Variants in SERPINB10 observed in about 807,000 individuals in gnomAD.
The protein encoded by SERPINB10 is serpin family B member 10.
SERPINB10 carries 35 observed loss-of-function variants against 39.1 expected under a neutral mutation model. The ratio of observed to expected loss-of-function variants is 0.90; its 90% CI spans 0.68 to 1.19. SERPINB10 has a LOEUF of 1.19. Ranked by LOEUF, SERPINB10 falls within the 50% of genes most tolerant of loss-of-function variation. SERPINB10 has a pLI of 0.00. For synonymous variants in SERPINB10, 190 were observed against 158.1 expected, an observed-to-expected ratio of 1.20 and a Z score of -1.52; for missense variants, 546 against 460.5, an observed-to-expected ratio of 1.19 and a Z score of -1.70.
At chr18:63,932,575 T>C (rs971008430) in intron 6 of SERPINB10, among the ~76,000 whole-genome samples, 1 of 152,240 alleles carries the variant, frequency 6.6e-6, no homozygotes, top group South Asian at 2.1e-4. Flanking sequence ...TTTATTATTG[T>C]TGAGTTTTTT....
Position 63,935,515 on chromosome 18 carries a change from C to A in SERPINB10, c.*273C>A, listed in dbSNP as rs1029055962. ...AAGTACTATGCTATTCAACTGAATG[C>A]CTTACAATTCTTGATCACTTGCAAT... is the stretch of plus-strand genomic sequence containing the variant. On this transcript the variant is annotated 3_prime_UTR_variant, in exon 8 of 8. Transcript: ENST00000238508. The A allele has an allele frequency of 2.2e-5, 7 of 323,488 alleles. No homozygotes were observed. Among genetic ancestry groups the A allele is most frequent in the Non-Finnish European group, 3.4e-5 (6 of 178,530 alleles). 20.0% of individuals were successfully genotyped at this position (323,488 alleles called of 1,614,324 possible). A position where few individuals can be genotyped will look rare whatever the true frequency, so the allele number is the denominator to read the frequency against.
intron 6 of SERPINB10, among the ~76,000 whole-genome samples, chr18:63,930,594 G>A (rs772072686): frequency 5.3e-5 from 8 of 152,094 alleles, no homozygotes; most frequent in Non-Finnish European, 7.4e-5. Context: ...CCTTACATAA[G>A]TAAAAGCAAT....
At chr18:63,913,827 A>G (rs746726859) in intron 1 of SERPINB10, among the ~76,000 whole-genome samples, 3 of 151,896 alleles carry the variant, frequency 2.0e-5, no homozygotes, top group Non-Finnish European at 4.4e-5. Context: ...TTCTCCCTCA[A>G]TGATCTGTCT....
chr18:63,928,106 T>G (rs565557282), intron 5 of SERPINB10, among the ~76,000 whole-genome samples: 101 of 152,168 alleles, frequency 6.6e-4, no homozygotes, highest in Non-Finnish European at 1.1e-3. Context: ...TTCTTGAGAT[T>G]CTATTAATAT....
Position 63,934,873 on chromosome 18 carries a change from G to C in SERPINB10, c.825G>C (p.Glu275Asp), listed in dbSNP as rs2050250008. 1 of 1,612,354 alleles carries C rather than the reference G, an allele frequency of 6.2e-7. No individual in the cohort carries two copies. Among genetic ancestry groups the C allele is most frequent in the Non-Finnish European group, 8.5e-7 (1 of 1,179,392 alleles). ...CCATCACCTATGAGAAGCTGAATGA[G>C]TGGACCAGTGCAGACATGATGGAGT... ...EKAITYEKLNEWTSADMMELY... is the reference protein window; with the variant it reads ...EKAITYEKLNDWTSADMMELY... The change falls in exon 8 of 8, where the codon GAG becomes GAC. Residue 275 changes from glutamate (E) to aspartate (D), a missense_variant. Glu to Asp is a conservative substitution (Grantham distance 45, BLOSUM62 2). Coordinates refer to ENST00000238508, the MANE Select transcript of SERPINB10 (RefSeq NM_005024.3).
intron 1 of SERPINB10, among the ~76,000 whole-genome samples, chr18:63,908,687 C>G (rs1211904322): frequency 6.6e-6 from 1 of 152,000 alleles, no homozygotes; most frequent in African/African-American, 2.4e-5. Flanking sequence ...CTAAAAAAGG[C>G]CTTAGGTGAA....
intron 7 of SERPINB10, among the ~76,000 whole-genome samples, chr18:63,933,444 T>C (rs189962169): frequency 1.2e-4 from 19 of 152,338 alleles, no homozygotes; most frequent in African/African-American, 4.3e-4. Flanking sequence ...TTAGGCAATG[T>C]ATAGACAGCT....
chr18:63,914,877 C>T (rs980256239), intron 1 of SERPINB10, among the ~76,000 whole-genome samples: 5 of 151,990 alleles, frequency 3.3e-5, no homozygotes, highest in Non-Finnish European at 7.4e-5. Context: ...AAACTGAGTA[C>T]TCTTGTTCCA....
Position 63,934,915 on chromosome 18 carries a change from A to G in SERPINB10, c.867A>G (p.Leu289=). The G allele has an allele frequency of 6.2e-7, 1 of 1,614,212 alleles. No homozygotes were observed. Among genetic ancestry groups the G allele is most frequent in the Non-Finnish European group, 8.5e-7 (1 of 1,180,024 alleles). The change falls in exon 8 of 8, where the codon CTA becomes CTG. Residue 289 remains leucine, a synonymous_variant. Coordinates refer to ENST00000238508, the MANE Select transcript of SERPINB10 (RefSeq NM_005024.3). ...TGATGGAGTTGTATGAAGTGCAGCT[A>G]CACCTTCCCAAGTTCAAGCTGGAAG... ...ADMMELYEVQ[L]HLPKFKLEDS...
At position 63,907,998 on chromosome 18, in the gene SERPINB10, A is replaced by G. The variant is rs1006961; in HGVS notation, c.-52A>G. On this transcript the variant is annotated 5_prime_UTR_variant, in exon 1 of 8. Coordinates refer to ENST00000238508, the MANE Select transcript of SERPINB10 (RefSeq NM_005024.3). ...AACTCTTCAGCCACAATCTCTTACTACAGGAGCAAATTGCCAATTCTGCTC... is the reference window on the plus strand; with the variant it reads ...AACTCTTCAGCCACAATCTCTTACTGCAGGAGCAAATTGCCAATTCTGCTC... 0.25 allele frequency: 83,870 copies of G among 340,892 alleles called. 11,763 individuals carry two copies. The highest frequency in any genetic ancestry group is 0.42 in the East Asian group (3,399 of 8,006). 21.1% of individuals were successfully genotyped at this position (340,892 alleles called of 1,614,324 possible).
intron 1 of SERPINB10, among the ~76,000 whole-genome samples, chr18:63,912,337 A>C (rs1054127637): frequency 6.6e-6 from 1 of 151,870 alleles, no homozygotes; most frequent in African/African-American, 2.4e-5. Flanking sequence ...GGAGTGGTAA[A>C]GAGTAGGCAT....
At position 63,935,875 on chromosome 18, in the gene SERPINB10, A is replaced by T. The variant is rs1056089568; in HGVS notation, c.*633A>T. The T allele has an allele frequency of 3.9e-5, 6 of 152,182 alleles. No individual in the cohort carries two copies. The highest frequency in any genetic ancestry group is 1.4e-4 in the African/African-American group (6 of 41,468). The allele number at this position is 152,182 out of a possible 1,614,324, so 9.4% of individuals were successfully genotyped here. On this transcript the variant is annotated 3_prime_UTR_variant, in exon 8 of 8. Coordinates refer to ENST00000238508, the MANE Select transcript of SERPINB10 (RefSeq NM_005024.3). Reference sequence around the variant, plus strand: ...ACTAAACCCCCTTTTTCTGCTATTTAAAAAATACTTATATTGACATTAGCT... The same window carrying T: ...ACTAAACCCCCTTTTTCTGCTATTTTAAAAATACTTATATTGACATTAGCT...
Position 63,917,437 on chromosome 18 carries a change from A to T in SERPINB10, c.169-19A>T. On this transcript the variant is annotated intron_variant, in intron 2 of 7. Coordinates refer to ENST00000238508, the MANE Select transcript of SERPINB10 (RefSeq NM_005024.3). ...ACTTCTCTGCAGTCTATTCATTTGT[A>T]TTTTTATTGAAATTACAGGTGCTTC... The T allele has an allele frequency of 6.8e-7, 1 of 1,474,438 alleles. No homozygotes were observed. Among genetic ancestry groups the T allele is most frequent in the Non-Finnish European group, 9.3e-7 (1 of 1,078,926 alleles). 91.3% of individuals were successfully genotyped at this position (1,474,438 alleles called of 1,614,324 possible).
At chr18:63,923,895 T>C (rs1159396115) in intron 5 of SERPINB10, among the ~76,000 whole-genome samples, 4 of 152,008 alleles carry the variant, frequency 2.6e-5, no homozygotes, top group Non-Finnish European at 4.4e-5. Flanking sequence ...AACTATTCAA[T>C]CTATTCAAGA....
chr18:63,910,991 C>T (rs2050060404), intron 1 of SERPINB10, among the ~76,000 whole-genome samples: 2 of 152,018 alleles, frequency 1.3e-5, no homozygotes, highest in African/African-American at 4.8e-5. Context: ...GCCATTCTGA[C>T]ATATACAAGG....
rs1480370308 is a variant in SERPINB10, at chr18:63,933,115, CA to C, written c.705del (p.Ala236GlnfsTer38). The C allele has an allele frequency of 3.7e-6, 6 of 1,613,740 alleles. No homozygotes were observed. In the African/African-American group the frequency reaches 8.0e-5, roughly 22 times the overall value. ...KKLHIFHIEKPKAVGLQLYYK... is the reference protein window; with the variant it reads ...KKLHIFHIEKXKAVGLQLYYK... ...CTTCACATTTTTCACATAGAAAAGC[CA>C]AAAGCAGTGGGCCTTCAACTCTACT... is the stretch of plus-strand genomic sequence containing the variant. On this transcript the variant is annotated frameshift_variant, in exon 7 of 8. Transcript: ENST00000238508. LOFTEE classifies it high-confidence loss of function.
At chr18:63,910,531 C>A (rs1351733936) in intron 1 of SERPINB10, among the ~76,000 whole-genome samples, 1 of 151,924 alleles carries the variant, frequency 6.6e-6, no homozygotes, top group Non-Finnish European at 1.5e-5. Flanking sequence ...ATGCTTATGT[C>A]CCACTTATAA....
chr18:63,928,044 G>C (rs1158169593), intron 5 of SERPINB10, among the ~76,000 whole-genome samples: 1 of 151,922 alleles, frequency 6.6e-6, no homozygotes, highest in Non-Finnish European at 1.5e-5. Context: ...AATCACTTGA[G>C]AGTTGTACAA....
chr18:63,923,156 C>G (rs552254310), intron 5 of SERPINB10, among the ~76,000 whole-genome samples: 1 of 152,022 alleles, frequency 6.6e-6, no homozygotes, highest in South Asian at 2.1e-4. Context: ...TTTGCCACAT[C>G]CCATTATTTC....
Sources: allele counts gnomAD v4.1 joint callset (sites outside exome capture counted in the v4.1 genomes callset), GRCh38; gene constraint gnomAD v4.1.1; transcripts MANE v1.5; gene names NCBI Gene and HGNC (gene_info 2026-07-23, HGNC 2026-07-21).